The following BORCS5 variants were observed in gnomAD, a reference collection of about 807,000 sequenced individuals.
The protein encoded by BORCS5 is BLOC-1-related complex subunit 5.
Under a neutral mutation model 22.1 loss-of-function variants are expected in BORCS5, and 17 were observed. The ratio of observed to expected loss-of-function variants is 0.77; its 90% CI spans 0.53 to 1.15. The LOEUF (loss-of-function observed/expected upper bound fraction) is 1.15, where lower values mean the gene tolerates loss of function less well. Ranked by LOEUF, BORCS5 falls within the 50% of genes most tolerant of loss-of-function variation. The probability of loss-of-function intolerance (pLI) is 0.00; values close to 1 mark genes in which losing one functional copy is unlikely to be tolerated. For synonymous variants in BORCS5, 117 were observed against 99.8 expected (o/e 1.17, Z -1.03); for missense variants, 247 against 253.2 (o/e 0.98, Z 0.17).
chr12:12,405,058 C>T (rs1324293694), intron 2 of BORCS5, among the ~76,000 whole-genome samples: 2 of 152,138 alleles, frequency 1.3e-5, no homozygotes, highest in African/African-American at 4.8e-5. Flanking sequence ...CCTTAAGGAC[C>T]TTACTGAGTA....
chr12:12,418,060 G>T (rs1592107598), intron 2 of BORCS5, among the ~76,000 whole-genome samples: 1 of 150,906 alleles, frequency 6.6e-6, no homozygotes, highest in African/African-American at 2.4e-5. Context: ...GCCTCACTCT[G>T]TCGCCCAGGC....
At chr12:12,429,882 G>C (rs1320943379) in intron 2 of BORCS5, among the ~76,000 whole-genome samples, 1 of 152,142 alleles carries the variant, frequency 6.6e-6, no homozygotes, top group Non-Finnish European at 1.5e-5. Flanking sequence ...ATGCACCTTA[G>C]AAGAGCAGAT....
chr12:12,383,800 C>A (rs1254001372), intron 2 of BORCS5, among the ~76,000 whole-genome samples: 1 of 150,764 alleles, frequency 6.6e-6, no homozygotes, highest in Middle Eastern at 3.4e-3. Context: ...GTTTTGATCT[C>A]TTTGTATTTA....
chr12:12,464,237 C>T (rs1943160343), intron 3 of BORCS5, among the ~76,000 whole-genome samples: 1 of 151,986 alleles, frequency 6.6e-6, no homozygotes, highest in Non-Finnish European at 1.5e-5. Flanking sequence ...CTCCCCGTGC[C>T]CAACTAGCTG....
intron 3 of BORCS5, among the ~76,000 whole-genome samples, chr12:12,436,604 ATTTG>A (rs1942560280): frequency 1.3e-5 from 2 of 151,764 alleles, no homozygotes; most frequent in Admixed American, 6.6e-5. Flanking sequence ...GCACTCCCAG[ATTTG>A]TTTAACAAAG....
chr12:12,382,537 T>A lies in BORCS5; in HGVS notation c.202+21188T>A, dbSNP rs1307603099. ...ATGGTTCTATGATGGTATATATCTT[T>A]TTTTTTTTTTTTTTTGAGACAAAGT... On this transcript the variant is annotated intron_variant, in intron 2 of 3. Transcript: ENST00000314565. Among the ~76,000 whole-genome samples the A allele has an allele frequency of 2.7e-3, 404 of 147,696 alleles. 13 individuals are homozygous for A. Among genetic ancestry groups the A allele is most frequent in the African/African-American group, 9.2e-3 (370 of 40,248 alleles).
chr12:12,401,938 C>T (rs907570659), intron 2 of BORCS5, among the ~76,000 whole-genome samples: 9 of 151,262 alleles, frequency 5.9e-5, no homozygotes, highest in East Asian at 1.9e-4. Context: ...TGGTGGTGGG[C>T]GCCTGTAGTC....
At chr12:12,442,628 A>C (rs1211857111) in intron 3 of BORCS5, among the ~76,000 whole-genome samples, 2 of 152,208 alleles carry the variant, frequency 1.3e-5, no homozygotes, top group Admixed American at 6.5e-5. Flanking sequence ...TCATTGTGCA[A>C]ATAAAGAAAC....
intron 2 of BORCS5, among the ~76,000 whole-genome samples, chr12:12,419,074 T>C (rs1942046637): frequency 6.6e-6 from 1 of 152,196 alleles, no homozygotes; most frequent in South Asian, 2.1e-4. Context: ...CTTTAAGTTC[T>C]AGGGTACATG....
chr12:12,369,712 C>CTTTTTTT (rs71061052), intron 2 of BORCS5, among the ~76,000 whole-genome samples: 611 of 42,960 alleles, frequency 0.014, 138 homozygotes, highest in African/African-American at 0.053. Flanking sequence ...CCCCCCACTT[C>CTTTTTTT]TTTTTTTTTT....
chr12:12,453,814 T>C lies in BORCS5; in HGVS notation c.361-11732T>C, dbSNP rs181103261. On this transcript the variant is annotated intron_variant, in intron 3 of 3. Coordinates refer to ENST00000314565, the MANE Select transcript of BORCS5 (RefSeq NM_058169.6). ...TTCATCTGCCTAGAATGAAACTCTA[T>C]GTACATCAGCAGTCACTCCCCATAC... Among the ~76,000 whole-genome samples the C allele has an allele frequency of 7.9e-5, 12 of 152,344 alleles. No homozygotes were observed. In the East Asian group the frequency reaches 2.1e-3, roughly 27 times the overall value.
intron 2 of BORCS5, among the ~76,000 whole-genome samples, chr12:12,425,092 C>T (rs1042661320): frequency 6.6e-6 from 1 of 152,186 alleles, no homozygotes; most frequent in Non-Finnish European, 1.5e-5. Flanking sequence ...ATTTAGAGGA[C>T]AGGGTCCTTT....
rs760210563 is a variant in BORCS5 at position 12,357,218 on chromosome 12, G to A, written c.-234G>A. 1 of 1,481,596 alleles carries A rather than the reference G, an allele frequency of 6.7e-7. No individual in the cohort carries two copies. Among genetic ancestry groups the A allele is most frequent in the Non-Finnish European group, 8.9e-7 (1 of 1,119,146 alleles). The allele number at this position is 1,481,596 out of a possible 1,614,324, so 91.8% of individuals were successfully genotyped here. A position where few individuals can be genotyped will look rare whatever the true frequency, so the allele number is the denominator to read the frequency against. On this transcript the variant is annotated 5_prime_UTR_variant, in exon 1 of 4. The change creates a new upstream start codon in the 5' untranslated region. Coordinates refer to ENST00000314565, the MANE Select transcript of BORCS5 (RefSeq NM_058169.6). Reference sequence around the variant, plus strand: ...CCCGGAAAGAAGGAGGGCTAGCCGCGTGCGTTCGCGCCGCGCCTCCTTGCG... The same window carrying A: ...CCCGGAAAGAAGGAGGGCTAGCCGCATGCGTTCGCGCCGCGCCTCCTTGCG...
chr12:12,448,735 G>C (rs1942841040), intron 3 of BORCS5, among the ~76,000 whole-genome samples: 1 of 151,450 alleles, frequency 6.6e-6, no homozygotes. Flanking sequence ...CACCATGTTG[G>C]CCAGGCTGGT....
At chr12:12,370,627 C>T (rs1455870447) in intron 2 of BORCS5, among the ~76,000 whole-genome samples, 1 of 152,056 alleles carries the variant, frequency 6.6e-6, no homozygotes, top group East Asian at 1.9e-4. Context: ...CAAATCAGTG[C>T]GGGAACAGTC....
chr12:12,440,193 C>T (rs1454712047), intron 3 of BORCS5, among the ~76,000 whole-genome samples: 2 of 152,182 alleles, frequency 1.3e-5, no homozygotes, highest in Non-Finnish European at 2.9e-5. Flanking sequence ...AGAGTTAGCT[C>T]AGCTTTCCTT....
At chr12:12,434,585 T>C (rs1942513587) in intron 2 of BORCS5, among the ~76,000 whole-genome samples, 1 of 152,238 alleles carries the variant, frequency 6.6e-6, no homozygotes, top group South Asian at 2.1e-4. Context: ...GAAGCAGCTA[T>C]GATATTCCAG....
chr12:12,414,147 C>T (rs1318148516), intron 2 of BORCS5, among the ~76,000 whole-genome samples: 3 of 94,852 alleles, frequency 3.2e-5, no homozygotes, highest in East Asian at 3.0e-4. Context: ...GGGCGGCTGG[C>T]CGGGCGGGGG....
intron 2 of BORCS5, among the ~76,000 whole-genome samples, chr12:12,414,486 C>T (rs1280447680): frequency 3.7e-5 from 3 of 81,840 alleles, no homozygotes; most frequent in African/African-American, 1.2e-4. Flanking sequence ...AGAGGGGCTC[C>T]TCACTTCCCA....
Sources: allele counts gnomAD v4.1 joint callset (sites outside exome capture counted in the v4.1 genomes callset), GRCh38; gene constraint gnomAD v4.1.1; transcripts MANE v1.5; gene names NCBI Gene and HGNC (gene_info 2026-07-23, HGNC 2026-07-21).